The following MAGI1 variants were observed in gnomAD, a reference collection of about 807,000 sequenced individuals.
MAGI1 encodes the protein membrane associated guanylate kinase, WW and PDZ domain containing 1, also known as membrane-associated guanylate kinase, WW and PDZ domain-containing protein 1.
MAGI1 carries 58 observed loss-of-function variants against 139.9 expected under a neutral mutation model. The observed-to-expected ratio is 0.41, with a 90% CI of 0.34 to 0.52. The LOEUF (loss-of-function observed/expected upper bound fraction) is 0.52, where lower values mean the gene tolerates loss of function less well. Ranked by LOEUF, MAGI1 falls within the 20% of genes least tolerant of loss-of-function variation. The pLI is 0.12. For missense variants in MAGI1, 1,874 were observed against 1,901.6 expected (o/e 0.99, Z 0.27); for synonymous variants, 812 against 737.9 (o/e 1.10, Z -1.63).
At position 65,781,409 on chromosome 3, in the gene MAGI1, C is replaced by T. The variant is rs1415213896; in HGVS notation, c.314-159321G>A. ...TTCATCTTCGCAAATGCCTATCTAC[C>T]TTGATCAGGAAATGGATAGATTTTT... On this transcript the variant is annotated intron_variant, in intron 1 of 22. Coordinates refer to ENST00000402939, the MANE Select transcript of MAGI1 (RefSeq NM_001033057.2). 8.5e-5 allele frequency among the ~76,000 whole-genome samples: 13 copies of T among 152,052 alleles called. 1 individual carries two copies.
chr3:66,020,228 TCA>T (rs1272262533), intron 1 of MAGI1, among the ~76,000 whole-genome samples: 1 of 152,082 alleles, frequency 6.6e-6, no homozygotes, highest in African/African-American at 2.4e-5. Flanking sequence ...TCACTTGAGC[TCA>T]GTTTGAGACC....
chr3:65,735,004 G>A (rs1050630327), intron 1 of MAGI1, among the ~76,000 whole-genome samples: 2 of 152,048 alleles, frequency 1.3e-5, no homozygotes, highest in African/African-American at 2.4e-5. Context: ...AAAAAAGAAA[G>A]TATATACCTA....
intron 5 of MAGI1, among the ~76,000 whole-genome samples, chr3:65,462,099 C>T (rs1219162203): frequency 6.6e-6 from 1 of 152,084 alleles, no homozygotes; most frequent in African/African-American, 2.4e-5. Flanking sequence ...GTTTCTTTTG[C>T]TGTGCAGAAG....
intron 1 of MAGI1, among the ~76,000 whole-genome samples, chr3:65,901,860 C>T (rs907260278): frequency 6.8e-4 from 104 of 152,282 alleles, no homozygotes; most frequent in African/African-American, 2.5e-3. Flanking sequence ...CAATAATTAG[C>T]ACTTTTACAA....
chr3:65,424,525 C>A (rs4481099), intron 12 of MAGI1, among the ~76,000 whole-genome samples: 2,257 of 152,196 alleles, frequency 0.015, 55 homozygotes, highest in African/African-American at 0.051. Context: ...TCTGTGCAAA[C>A]TAGAAAGGAC....
chr3:65,526,196 T>C (rs2078370806), intron 2 of MAGI1, among the ~76,000 whole-genome samples: 1 of 152,208 alleles, frequency 6.6e-6, no homozygotes, highest in Non-Finnish European at 1.5e-5. Flanking sequence ...TTTCTTTTTT[T>C]CCTGCCCTCC....
chr3:65,417,768 G>T (rs1055992774), intron 12 of MAGI1, among the ~76,000 whole-genome samples: 6 of 152,176 alleles, frequency 3.9e-5, no homozygotes, highest in African/African-American at 1.4e-4. Flanking sequence ...CAGCAGGCCA[G>T]GGGGAAGCTG....
intron 2 of MAGI1, among the ~76,000 whole-genome samples, chr3:65,533,243 G>A (rs1167574453): frequency 1.3e-5 from 2 of 152,140 alleles, no homozygotes; most frequent in African/African-American, 4.8e-5. Context: ...CATTTACGGA[G>A]CACTTATTGG....
At chr3:65,468,947 C>CAATAAATAAATA (rs141122582) in intron 5 of MAGI1, among the ~76,000 whole-genome samples, 37,575 of 134,354 alleles carry the variant, frequency 0.28, 5,885 homozygotes, top group East Asian at 0.57. Context: ...GGAAGGGAAA[C>CAATAAATAAATA]AATAAATAAA....
intron 1 of MAGI1, among the ~76,000 whole-genome samples, chr3:65,744,404 C>CA (rs977379379): frequency 6.6e-6 from 1 of 152,162 alleles, no homozygotes; most frequent in Non-Finnish European, 1.5e-5. Flanking sequence ...TGGCACATAG[C>CA]AAATGCTCAG....
chr3:65,749,781 T>C (rs1037844071), intron 1 of MAGI1, among the ~76,000 whole-genome samples: 1 of 150,502 alleles, frequency 6.6e-6, no homozygotes, highest in African/African-American at 2.4e-5. Context: ...TTATAGCCAG[T>C]AGAAATGATA....
At chr3:65,360,188 C>G in intron 22 of MAGI1, 3 of 985,268 alleles carry the variant, frequency 3.0e-6, no homozygotes, top group Non-Finnish European at 2.4e-6. Context: ...CAAAATGCAA[C>G]TGAGAATTGT....
chr3:65,476,284 C>G (rs1398646535), intron 4 of MAGI1, among the ~76,000 whole-genome samples: 1 of 152,144 alleles, frequency 6.6e-6, no homozygotes, highest in Admixed American at 6.5e-5. Context: ...ACGTGCATAT[C>G]TCAAGGCCAC....
At chr3:65,959,798 CTTTTTTTTTT>C (rs33978400) in intron 1 of MAGI1, among the ~76,000 whole-genome samples, 1 of 60,266 alleles carries the variant, frequency 1.7e-5, no homozygotes, top group African/African-American at 6.4e-5. Context: ...TAAATTCTCT[CTTTTTTTTTT>C]TTTTTTTTTT....
At chr3:65,765,536 A>C (rs1328122698) in intron 1 of MAGI1, among the ~76,000 whole-genome samples, 1 of 152,208 alleles carries the variant, frequency 6.6e-6, no homozygotes, top group East Asian at 1.9e-4. Context: ...GTTTAGCTAG[A>C]GAGTTGGAAG....
chr3:65,668,323 G>C (rs1471725665), intron 1 of MAGI1, among the ~76,000 whole-genome samples: 3 of 152,152 alleles, frequency 2.0e-5, no homozygotes, highest in Admixed American at 2.0e-4. Context: ...TGGCTCATGA[G>C]AGTCAAATGT....
At chr3:65,795,467 C>T (rs1474417730) in intron 1 of MAGI1, among the ~76,000 whole-genome samples, 3 of 152,096 alleles carry the variant, frequency 2.0e-5, no homozygotes, top group Non-Finnish European at 4.4e-5. Flanking sequence ...ATTTGTATAA[C>T]ATTCTTGAAA....
intron 2 of MAGI1, among the ~76,000 whole-genome samples, chr3:65,534,556 C>T (rs1418356899): frequency 6.6e-6 from 1 of 152,096 alleles, no homozygotes; most frequent in Non-Finnish European, 1.5e-5. Flanking sequence ...CTAGCCCAAG[C>T]CATGTTACTT....
chr3:65,930,664 C>G (rs529800369), intron 1 of MAGI1, among the ~76,000 whole-genome samples: 99 of 152,250 alleles, frequency 6.5e-4, no homozygotes, highest in African/African-American at 2.2e-3. Context: ...TCACAAAGAC[C>G]TTGCTGATTA....
Sources: allele counts gnomAD v4.1 joint callset (sites outside exome capture counted in the v4.1 genomes callset), GRCh38; gene constraint gnomAD v4.1.1; transcripts MANE v1.5; gene names NCBI Gene and HGNC (gene_info 2026-07-23, HGNC 2026-07-21).